SIAE: variants seen among roughly 807,000 people sequenced by gnomAD.
The protein encoded by SIAE is sialate O-acetylesterase.
SIAE carries 39 observed loss-of-function variants against 52.6 expected under a neutral mutation model. The observed-to-expected ratio is 0.74, with a 90% CI of 0.57 to 0.97. The LOEUF is 0.97. SIAE is among the 50% of genes least tolerant of loss of function. The probability of loss-of-function intolerance (pLI) is 0.00; values close to 1 mark genes in which losing one functional copy is unlikely to be tolerated. For synonymous variants in SIAE, 233 were observed against 241.4 expected (o/e 0.97, Z 0.32); for missense variants, 592 against 662.1 (o/e 0.89, Z 1.16).
Position 124,664,908 on chromosome 11 carries a change from T to A in SIAE, c.230-4105A>T, listed in dbSNP as rs575210940. On this transcript the variant is annotated intron_variant, in intron 2 of 9. Transcript: ENST00000263593. ...CACCCCCACCCAACAGAACCCTAGT[T>A]CCTCACTGGCTGCAAAGTGGCTCAG... 1.0e-4 allele frequency among the ~76,000 whole-genome samples: 12 copies of A among 118,238 alleles called. No individual in the cohort carries two copies. The South Asian group carries it at 3.9e-3, about 38-fold the overall frequency. 77.6% of individuals were successfully genotyped at this position (118,238 alleles called of 152,430 possible).
chr11:124,647,177 C>T (rs1942947286), intron 7 of SIAE, among the ~76,000 whole-genome samples, 188 bp downstream of exon 7: 2 of 152,170 alleles, frequency 1.3e-5, no homozygotes, highest in African/African-American at 4.8e-5. Flanking sequence ...ATTGTCCTAT[C>T]AGTGAACTGA....
intron 7 of SIAE, among the ~76,000 whole-genome samples, chr11:124,646,824 G>A (rs181788330): frequency 3.0e-4 from 45 of 152,252 alleles, no homozygotes; most frequent in Non-Finnish European, 6.0e-4. Flanking sequence ...TAAAACAACC[G>A]AAATGCCCAA....
In SIAE at chr11:124,639,859, T is replaced by A. The variant is rs1565407894; in HGVS notation, c.975A>T (p.Ser325=). The A allele has an allele frequency of 6.2e-7, 1 of 1,614,154 alleles. No homozygotes were observed. The highest frequency in any genetic ancestry group is 1.1e-5 in the South Asian group (1 of 91,086). The change falls in exon 8 of 10, where the codon TCA becomes TCT. Residue 325 remains serine, a synonymous_variant. Transcript: ENST00000263593. ...FFPFGLVQLS[S]DLSKKSSDDG... is the part of the protein sequence containing the mutation. ...CGTCTGAGCTCTTCTTAGACAAATC[T>A]GAAGATAACTAGAAAGCAGAGACAT...
At chr11:124,643,552 T>G (rs1338149201) in intron 7 of SIAE, among the ~76,000 whole-genome samples, 2 of 152,182 alleles carry the variant, frequency 1.3e-5, no homozygotes, top group Non-Finnish European at 2.9e-5. Flanking sequence ...AGATTCTGAA[T>G]GCAGAGTGAG....
chr11:124,657,287 A>C (rs1482513797), intron 3 of SIAE, among the ~76,000 whole-genome samples: 7 of 152,210 alleles, frequency 4.6e-5, no homozygotes, highest in Admixed American at 4.6e-4. Context: ...AGGCTAATGC[A>C]CTCACAGTGT....
intron 2 of SIAE, among the ~76,000 whole-genome samples, chr11:124,666,069 C>CT (rs1392458803): frequency 6.6e-6 from 1 of 152,200 alleles, no homozygotes; most frequent in Non-Finnish European, 1.5e-5. Flanking sequence ...AAAGAATCCT[C>CT]TTACATCATT....
chr11:124,662,030 G>A (rs1310480319), intron 2 of SIAE, among the ~76,000 whole-genome samples: 1 of 152,164 alleles, frequency 6.6e-6, no homozygotes, highest in Non-Finnish European at 1.5e-5. Context: ...TCAGAGTCCT[G>A]GGGAAAATGT....
chr11:124,655,030 G>T (rs1327911183), intron 3 of SIAE, among the ~76,000 whole-genome samples: 1 of 152,084 alleles, frequency 6.6e-6, no homozygotes, highest in East Asian at 1.9e-4. Flanking sequence ...TAAGGAGCAG[G>T]TCTATGTTAG....
upstream of SIAE, chr11:124,674,759 G>GA (rs1943437506): frequency 6.5e-6 from 1 of 153,758 alleles, no homozygotes; most frequent in Admixed American, 6.5e-5. Context: ...TCATGCTTCA[G>GA]AAGTGGCAGC....
At position 124,634,584 on chromosome 11, in the gene SIAE, G is replaced by T. The variant is rs1407298317; in HGVS notation, c.*2367C>A. ...TGTTAAGAACCCTAAGAAATAACTG[G>T]ACGAGTGTGGTATGATGTTTGCATG... On this transcript the variant is annotated 3_prime_UTR_variant, in exon 10 of 10. Coordinates refer to ENST00000263593, the MANE Select transcript of SIAE (RefSeq NM_170601.5). 6.6e-6 allele frequency: 1 copy of T among 152,076 alleles called. No homozygotes were observed. Among genetic ancestry groups the T allele is most frequent in the Admixed American group, 6.5e-5 (1 of 15,272 alleles). 9.4% of individuals were successfully genotyped at this position (152,076 alleles called of 1,614,324 possible).
At chr11:124,651,839 G>A (rs1336586550) in intron 4 of SIAE, among the ~76,000 whole-genome samples, 2 of 152,128 alleles carry the variant, frequency 1.3e-5, no homozygotes, top group African/African-American at 2.4e-5. Flanking sequence ...TATCCCCAGC[G>A]TCCAGGACAT....
At chr11:124,652,691 C>CAAAA (rs57632780) in intron 4 of SIAE, among the ~76,000 whole-genome samples, 1 of 72,932 alleles carries the variant, frequency 1.4e-5, no homozygotes. Context: ...GAGACTCGGT[C>CAAAA]AAAAAAAAAA....
rs769411422 is a variant in SIAE, at chr11:124,637,068, C to T, written c.1455G>A (p.Trp485Ter). 7 of 1,614,112 alleles carry T rather than the reference C, an allele frequency of 4.3e-6. No individual in the cohort carries two copies. The Admixed American group carries it at 6.7e-5, about 15-fold the overall frequency. Reference sequence around the variant, plus strand: ...GGGGACACTGCTTATATTCACAAGGCCACGTGGTCCAAGCATAGCGGAGAG... The same window carrying T: ...GGGGACACTGCTTATATTCACAAGGTCACGTGGTCCAAGCATAGCGGAGAG... ...VVALRYAWTT[W>*]PCEYKQCPLY... Residue 485 changes from tryptophan (W) to a stop codon, truncating the protein, a stop_gained, in exon 10 of 10, where the codon TGG becomes TGA. Coordinates refer to ENST00000263593, the MANE Select transcript of SIAE (RefSeq NM_170601.5). LOFTEE classifies it low-confidence loss of function (END_TRUNC).
intron 7 of SIAE, among the ~76,000 whole-genome samples, chr11:124,644,426 G>A (rs1406444905): frequency 6.6e-6 from 1 of 151,008 alleles, no homozygotes; most frequent in Non-Finnish European, 1.5e-5. Context: ...CTCAAGTCAA[G>A]GGAATTTTCT....
chr11:124,662,614 T>C (rs1943204375), intron 2 of SIAE, among the ~76,000 whole-genome samples: 1 of 152,166 alleles, frequency 6.6e-6, no homozygotes, highest in Non-Finnish European at 1.5e-5. Context: ...TAAAAGATAA[T>C]GCCAAACTAT....
chr11:124,656,385 G>A (rs934123947), intron 3 of SIAE, among the ~76,000 whole-genome samples: 1 of 152,212 alleles, frequency 6.6e-6, no homozygotes, highest in Non-Finnish European at 1.5e-5. Flanking sequence ...AAGCAAGAGA[G>A]GCATGGAGAC....
rs1942911401 is a variant in SIAE at position 124,645,016 on chromosome 11, A to G, written c.966+2349T>C. 6.6e-6 allele frequency among the ~76,000 whole-genome samples: 1 copy of G among 152,038 alleles called. No homozygotes were observed. The highest frequency in any genetic ancestry group is 6.6e-5 in the Admixed American group (1 of 15,262). On this transcript the variant is annotated intron_variant, in intron 7 of 9. Transcript: ENST00000263593. The surrounding 1 kb of genome is among the most constrained non-coding windows in gnomAD (Gnocchi z 4.7). Reference sequence around the variant, plus strand: ...TTATCTGGTATGTTCCCGGCTTTCCATGGATGAACTCATTCAATATTTAAA... The same window carrying G: ...TTATCTGGTATGTTCCCGGCTTTCCGTGGATGAACTCATTCAATATTTAAA...
Position 124,634,269 on chromosome 11 carries a change from AG to A in SIAE, c.*2681del, listed in dbSNP as rs1252955597. 6.6e-6 allele frequency: 1 copy of A among 152,372 alleles called. No homozygotes were observed. Among genetic ancestry groups the A allele is most frequent in the Non-Finnish European group, 1.5e-5 (1 of 68,150 alleles). 9.4% of individuals were successfully genotyped at this position (152,372 alleles called of 1,614,324 possible). ...AGAATCGCTTGAACCCGGGAGGCAG[AG>A]GTTGCAGTGAGCCGAGACCGCGCCA... On this transcript the variant is annotated 3_prime_UTR_variant, in exon 10 of 10. Coordinates refer to ENST00000263593, the MANE Select transcript of SIAE (RefSeq NM_170601.5).
At chr11:124,654,547 G>C (rs1943067027) in intron 4 of SIAE, 108 bp downstream of exon 4, 1 of 1,605,594 alleles carries the variant, frequency 6.2e-7, no homozygotes, top group African/African-American at 1.3e-5. Flanking sequence ...GGAATAAAAG[G>C]CATGAGTAAT....
Sources: gnomAD v4.1 joint callset for allele counts (sites outside exome capture counted in the v4.1 genomes callset) on GRCh38, gnomAD v4.1.1 for gene constraint, Gnocchi (gnomAD v3.1) non-coding constraint, MANE v1.5 for transcripts, NCBI Gene and HGNC (gene_info 2026-07-23, HGNC 2026-07-21) for gene names.